The following ADH1A variants were observed in gnomAD, a reference collection of about 807,000 sequenced individuals.
ADH1A encodes alcohol dehydrogenase 1A.
A neutral mutation model predicts 35.2 loss-of-function variants in ADH1A; 29 were observed. That is an observed-to-expected ratio of 0.82 (90% confidence interval 0.61 to 1.12). The LOEUF (loss-of-function observed/expected upper bound fraction) is 1.12. ADH1A is among the 50% of genes most tolerant of loss of function. The pLI is 0.00. For synonymous variants in ADH1A, 147 were observed against 164.8 expected (o/e 0.89, Z 0.83); for missense variants, 469 against 464.7 (o/e 1.01, Z -0.09).
chr4:99,289,847 A>C (rs1327156428), intron 1 of ADH1A, among the ~76,000 whole-genome samples: 2 of 152,134 alleles, frequency 1.3e-5, no homozygotes, highest in African/African-American at 4.8e-5. Flanking sequence ...ATTGTTTTCT[A>C]TGTGGAATGT....
At chr4:99,285,805 G>A (rs1441658003) in intron 3 of ADH1A, among the ~76,000 whole-genome samples, 1 of 151,796 alleles carries the variant, frequency 6.6e-6, no homozygotes. Flanking sequence ...GGCAGATCAC[G>A]AGGTCAGGAG....
At chr4:99,279,096 A>G (rs1179813485) in intron 8 of ADH1A, among the ~76,000 whole-genome samples, 1 of 151,984 alleles carries the variant, frequency 6.6e-6, no homozygotes, top group African/African-American at 2.4e-5. Flanking sequence ...CAATGACACC[A>G]TGTTATAATT....
chr4:99,289,397 A>G (rs1733237681), intron 1 of ADH1A, among the ~76,000 whole-genome samples: 1 of 152,196 alleles, frequency 6.6e-6, no homozygotes, highest in South Asian at 2.1e-4. Context: ...TAATTTCTCT[A>G]AAGTCTCAAA....
rs761327034 is a variant in ADH1A at position 99,282,531 on chromosome 4, C to G, written c.643G>C (p.Ala215Pro). 1 of 1,614,226 alleles carries G rather than the reference C, an allele frequency of 6.2e-7. No individual in the cohort carries two copies. The highest frequency in any genetic ancestry group is 1.7e-5 in the Admixed American group (1 of 60,026). ...ACCGCAATGATTCTGGCTGCCCCAGCTGCTTTACAGCCCATAATAGCAGAT... is the reference window on the plus strand; with the variant it reads ...ACCGCAATGATTCTGGCTGCCCCAGGTGCTTTACAGCCCATAATAGCAGAT... ...GLSAIMGCKA[A>P]GAARIIAVDI... The change falls in exon 6 of 9, where the codon GCT becomes CCT. Residue 215 changes from alanine (A) to proline (P), a missense_variant. Physicochemically the swap from Ala to Pro is conservative, Grantham distance 27 (BLOSUM62 -1). Coordinates refer to ENST00000209668, the MANE Select transcript of ADH1A (RefSeq NM_000667.4).
Position 99,287,004 on chromosome 4 carries a change from A to C in ADH1A, c.121-16T>G. ...CAGCCACCATCTACAGAGTGAAGAG[A>C]AGATGTTTATAAAAGATTGTGAGTC... On this transcript the variant is annotated splice_polypyrimidine_tract_variant and intron_variant, in intron 2 of 8. Coordinates refer to ENST00000209668, the MANE Select transcript of ADH1A (RefSeq NM_000667.4). 6.2e-7 allele frequency: 1 copy of C among 1,605,064 alleles called. No individual in the cohort carries two copies. Among genetic ancestry groups the C allele is most frequent in the Non-Finnish European group, 8.5e-7 (1 of 1,177,538 alleles).
intron 8 of ADH1A, among the ~76,000 whole-genome samples, chr4:99,277,091 A>AAAC (rs1190862292): frequency 2.0e-5 from 3 of 152,080 alleles, no homozygotes; most frequent in African/African-American, 7.2e-5. Flanking sequence ...TAGAGATTAT[A>AAAC]AACACTGAGA....
intron 5 of ADH1A, among the ~76,000 whole-genome samples, chr4:99,283,933 A>C (rs906362106): frequency 6.6e-6 from 1 of 152,166 alleles, no homozygotes; most frequent in African/African-American, 2.4e-5. Flanking sequence ...TTGGAGGTGC[A>C]TCAGGTAAGG....
chr4:99,276,463 ATAAT>A lies in ADH1A; in HGVS notation c.*157_*160del. ...TGGATTTTAAACATTTGCTTGAAAA[ATAAT>A]TTTACATCAATTTCCATTTCTTTGG... On this transcript the variant is annotated 3_prime_UTR_variant, in exon 9 of 9. Transcript: ENST00000209668. 1 of 699,268 alleles carries A rather than the reference ATAAT, an allele frequency of 1.4e-6. No individual in the cohort carries two copies. The highest frequency in any genetic ancestry group is 1.8e-5 in the South Asian group (1 of 56,750). 43.3% of individuals were successfully genotyped at this position (699,268 alleles called of 1,614,324 possible). A position where few individuals can be genotyped will look rare whatever the true frequency, so the allele number is the denominator to read the frequency against.
chr4:99,282,148 T>A, intron 6 of ADH1A, 198 bp downstream of exon 6: 1 of 1,005,462 alleles, frequency 9.9e-7, no homozygotes, highest in Non-Finnish European at 1.4e-6. Context: ...GAAATATGAC[T>A]TGAGACACGT....
At chr4:99,276,903 T>A (rs547831732) in intron 8 of ADH1A, among the ~76,000 whole-genome samples, 9 of 152,266 alleles carry the variant, frequency 5.9e-5, no homozygotes, top group Non-Finnish European at 1.2e-4. Flanking sequence ...TACGTTAGCA[T>A]CTTCAAAAAA....
At chr4:99,284,282 T>C in intron 5 of ADH1A, 117 bp downstream of exon 5, 2 of 1,108,056 alleles carry the variant, frequency 1.8e-6, no homozygotes, top group South Asian at 2.7e-5. Context: ...GTGTTTCTAT[T>C]CTTAGTCGAC....
intron 1 of ADH1A, among the ~76,000 whole-genome samples, chr4:99,290,545 G>T (rs569808428): frequency 6.6e-6 from 1 of 152,132 alleles, no homozygotes; most frequent in East Asian, 1.9e-4. Context: ...TTAAATTATG[G>T]TACCTTAATA....
intron 2 of ADH1A, 124 bp downstream of exon 2, chr4:99,287,440 A>T (rs1733180436): frequency 2.2e-6 from 2 of 924,950 alleles, no homozygotes; most frequent in Non-Finnish European, 3.2e-6. Flanking sequence ...ATTTATATTT[A>T]TACCTTTCCT....
At position 99,284,891 on chromosome 4, in the gene ADH1A, T is replaced by C; in HGVS notation, c.260-88A>G. ...TAAAGCTCACATGTCTTTAAAACAT[T>C]AGAAACATGTGTCTTTAAAAGTCTC... On this transcript the variant is annotated intron_variant, in intron 3 of 8. Transcript: ENST00000209668. 9 of 1,151,832 alleles carry C rather than the reference T, an allele frequency of 7.8e-6. No homozygotes were observed. The South Asian group carries it at 1.3e-4, about 16-fold the overall frequency. 71.4% of individuals were successfully genotyped at this position (1,151,832 alleles called of 1,614,324 possible). A position where few individuals can be genotyped will look rare whatever the true frequency, so the allele number is the denominator to read the frequency against.
At chr4:99,285,547 T>TAAC (rs1319665281) in intron 3 of ADH1A, among the ~76,000 whole-genome samples, 2 of 151,742 alleles carry the variant, frequency 1.3e-5, no homozygotes, top group Non-Finnish European at 2.9e-5. Flanking sequence ...AACTTATTAC[T>TAAC]AACTAATTAG....
chr4:99,283,436 C>G (rs1041765893), intron 5 of ADH1A, among the ~76,000 whole-genome samples: 8 of 152,084 alleles, frequency 5.3e-5, no homozygotes, highest in African/African-American at 1.9e-4. Context: ...TCTTCCTGTT[C>G]CAAATAATCT....
At chr4:99,283,005 C>G (rs184509694) in intron 5 of ADH1A, among the ~76,000 whole-genome samples, 1 of 152,102 alleles carries the variant, frequency 6.6e-6, no homozygotes, top group African/African-American at 2.4e-5. Context: ...TGATAGCCAG[C>G]TTCAGTAACT....
chr4:99,284,434 A>C lies in ADH1A; in HGVS notation c.532T>G (p.Ser178Ala). 1 of 1,614,182 alleles carries C rather than the reference A, an allele frequency of 6.2e-7. No individual in the cohort carries two copies. The highest frequency in any genetic ancestry group is 8.5e-7 in the Non-Finnish European group (1 of 1,180,036). The change falls in exon 5 of 9, where the codon TCA becomes GCA. Residue 178 changes from serine (S) to alanine (A), a missense_variant. Coordinates refer to ENST00000209668, the MANE Select transcript of ADH1A (RefSeq NM_000667.4). ...TTGACTGCAGACCCATAACCAGTTGAAAATCCACAGCCAATGAGACAGACT... is the reference window on the plus strand; with the variant it reads ...TTGACTGCAGACCCATAACCAGTTGCAAATCCACAGCCAATGAGACAGACT... The part of the protein sequence containing the change: ...EKVCLIGCGF[S>A]TGYGSAVNVA...
Position 99,276,481 on chromosome 4 carries a change from C to G in ADH1A, c.*143G>C, listed in dbSNP as rs28364341. ...TTGAAAAATAATTTTACATCAATTT[C>G]CATTTCTTTGGAAAGCCCCCAAATG... On this transcript the variant is annotated 3_prime_UTR_variant, in exon 9 of 9. Transcript: ENST00000209668. The G allele has an allele frequency of 2.7e-6, 2 of 750,518 alleles. No individual in the cohort carries two copies. Among genetic ancestry groups the G allele is most frequent in the Admixed American group, 5.3e-5 (2 of 37,982 alleles). 46.5% of individuals were successfully genotyped at this position (750,518 alleles called of 1,614,324 possible). A position where few individuals can be genotyped will look rare whatever the true frequency, so the allele number is the denominator to read the frequency against.
Sources: gnomAD v4.1 joint callset for allele counts (sites outside exome capture counted in the v4.1 genomes callset) on GRCh38, gnomAD v4.1.1 for gene constraint, MANE v1.5 for transcripts, NCBI Gene and HGNC (gene_info 2026-07-23, HGNC 2026-07-21) for gene names.